KALRN: variants seen among roughly 807,000 people sequenced by gnomAD.
KALRN encodes kalirin.
Under a neutral mutation model 353.7 loss-of-function variants are expected in KALRN, and 70 were observed. The ratio of observed to expected loss-of-function variants is 0.20; its 90% CI spans 0.16 to 0.24. The LOEUF is 0.24. Ranked by LOEUF, KALRN falls within the 10% of genes least tolerant of loss-of-function variation. The probability of loss-of-function intolerance (pLI) is 1.00; values close to 1 mark genes in which losing one functional copy is unlikely to be tolerated. For missense variants in KALRN, 2,791 were observed against 3,756.7 expected, an observed-to-expected ratio of 0.74 and a Z score of 6.72; for synonymous variants, 1,391 against 1,434.8, an observed-to-expected ratio of 0.97 and a Z score of 0.69.
chr3:124,390,864 C>T (rs2089260868), intron 11 of KALRN, among the ~76,000 whole-genome samples: 2 of 152,106 alleles, frequency 1.3e-5, no homozygotes, highest in Non-Finnish European at 2.9e-5. Context: ...TCTCTTGTCT[C>T]CTTCCTTCCT....
At chr3:124,275,979 A>G (rs1344416667) in intron 5 of KALRN, among the ~76,000 whole-genome samples, 1 of 152,202 alleles carries the variant, frequency 6.6e-6, no homozygotes, top group Non-Finnish European at 1.5e-5. Flanking sequence ...GCAGCCCCAG[A>G]GAAAAGTGAT....
chr3:124,308,971 T>G (rs1057428992), intron 6 of KALRN, among the ~76,000 whole-genome samples: 1 of 152,042 alleles, frequency 6.6e-6, no homozygotes, highest in African/African-American at 2.4e-5. Flanking sequence ...GGGGATATTA[T>G]TACTTACCTT....
chr3:124,385,047 C>A lies in KALRN; in HGVS notation c.1962+11C>A. On this transcript the variant is annotated intron_variant, in intron 11 of 59. Transcript: ENST00000682506. ...ACACACACCAAAGAGGTAAGGGGAG[C>A]TAGTGGAGAGAGGGCATTCTGTCCT... 2 of 1,572,636 alleles carry A rather than the reference C, an allele frequency of 1.3e-6. No individual in the cohort carries two copies. Among genetic ancestry groups the A allele is most frequent in the South Asian group, 2.4e-5 (2 of 84,138 alleles).
At chr3:124,442,118 T>G in intron 19 of KALRN, 59 bp downstream of exon 19, 1 of 972,436 alleles carries the variant, frequency 1.0e-6, no homozygotes, top group Non-Finnish European at 1.5e-6. Flanking sequence ...CCCTGAAATA[T>G]ACCATGTACC....
rs563280546 is a variant in KALRN at position 124,468,050 on chromosome 3, G to T, written c.4031+5417G>T. On this transcript the variant is annotated intron_variant, in intron 25 of 59. Coordinates refer to ENST00000682506, the MANE Select transcript of KALRN (RefSeq NM_001388419.1). ...ATGAGGAGAAGGAGATCGAGGGAAA[G>T]AGATGGATAAAGACCTAGACCTTCC... Among the ~76,000 whole-genome samples, 4 of 152,112 alleles carry T rather than the reference G, an allele frequency of 2.6e-5. No homozygotes were observed. In the East Asian group the frequency reaches 7.7e-4, roughly 29 times the overall value.
intron 13 of KALRN, among the ~76,000 whole-genome samples, chr3:124,411,679 C>G (rs367913922): frequency 6.6e-6 from 1 of 152,146 alleles, no homozygotes; most frequent in African/African-American, 2.4e-5. Context: ...CTCCTGGCCT[C>G]AAGTGATCCT....
chr3:124,675,003 G>GATATATATATATATAT (rs141101032), intron 49 of KALRN: 21 of 146,580 alleles, frequency 1.4e-4, no homozygotes, highest in African/African-American at 5.3e-4. Flanking sequence ...TTAAGTAACT[G>GATATATATATATATAT]ATATATATAT....
chr3:124,183,044 C>T (rs1560169621), intron 1 of KALRN, among the ~76,000 whole-genome samples: 2 of 152,102 alleles, frequency 1.3e-5, no homozygotes, highest in Admixed American at 6.5e-5. Context: ...CCCAGTCCCT[C>T]AGAATGTGAC....
At chr3:124,519,380 C>T in intron 33 of KALRN, 1 of 985,420 alleles carries the variant, frequency 1.0e-6, no homozygotes, top group African/African-American at 1.7e-5. Context: ...AGCCCCAACC[C>T]CAAACACAGA....
At chr3:124,681,958 G>A (rs1181728262) in intron 51 of KALRN, among the ~76,000 whole-genome samples, 9 of 152,172 alleles carry the variant, frequency 5.9e-5, no homozygotes, top group Non-Finnish European at 1.3e-4. Context: ...TGAATGTGTT[G>A]CCAGCTTCAA....
intron 33 of KALRN, among the ~76,000 whole-genome samples, chr3:124,548,152 GCT>G (rs1406483765): frequency 6.6e-6 from 1 of 152,066 alleles, no homozygotes; most frequent in African/African-American, 2.4e-5. Context: ...AGTCAAGCTG[GCT>G]CTCTCTAGCT....
intron 2 of KALRN, among the ~76,000 whole-genome samples, chr3:124,230,682 C>CCCCAAGCT (rs2079044052): frequency 6.6e-6 from 1 of 151,772 alleles, no homozygotes. Context: ...GCCGAACAGC[C>CCCCAAGCT]TGGGGTAAGC....
intron 1 of KALRN, among the ~76,000 whole-genome samples, chr3:124,179,594 T>C (rs1372676646): frequency 6.6e-6 from 1 of 152,264 alleles, no homozygotes; most frequent in African/African-American, 2.4e-5. Flanking sequence ...TGTACATAAT[T>C]GTATGTGTTA....
intron 1 of KALRN, among the ~76,000 whole-genome samples, chr3:124,181,828 G>C (rs1404409645): frequency 6.6e-6 from 1 of 152,182 alleles, no homozygotes; most frequent in African/African-American, 2.4e-5. Flanking sequence ...TTCTCTGATG[G>C]GGAAGGAGGA....
intron 1 of KALRN, among the ~76,000 whole-genome samples, chr3:124,130,131 T>C (rs1167650055): frequency 6.6e-6 from 1 of 152,204 alleles, no homozygotes; most frequent in Non-Finnish European, 1.5e-5. Flanking sequence ...CCAGAACTTA[T>C]TGACCTATGG....
At chr3:124,642,208 C>A (rs184484309) in intron 37 of KALRN, among the ~76,000 whole-genome samples, 3 of 151,982 alleles carry the variant, frequency 2.0e-5, no homozygotes, top group Non-Finnish European at 2.9e-5. Flanking sequence ...CGCTTGAACT[C>A]GGGAGGCAGA....
chr3:124,393,764 C>A (rs1265225219), intron 11 of KALRN, among the ~76,000 whole-genome samples: 1 of 152,186 alleles, frequency 6.6e-6, no homozygotes, highest in Non-Finnish European at 1.5e-5. Context: ...GGAGGTTACT[C>A]ACCTGTACAA....
intron 6 of KALRN, among the ~76,000 whole-genome samples, chr3:124,311,460 A>C (rs76205315): frequency 1.1e-5 from 1 of 92,582 alleles, no homozygotes; most frequent in African/African-American, 4.2e-5. Context: ...GCAAGACTCC[A>C]AAAAAAAAAA....
chr3:124,352,755 A>C (rs1290574153), intron 10 of KALRN, among the ~76,000 whole-genome samples: 1 of 152,116 alleles, frequency 6.6e-6, no homozygotes, highest in Non-Finnish European at 1.5e-5. Flanking sequence ...TCAGCAAAGT[A>C]ACACAAGAAG....
Sources: allele counts gnomAD v4.1 joint callset (sites outside exome capture counted in the v4.1 genomes callset), GRCh38; gene constraint gnomAD v4.1.1; transcripts MANE v1.5; gene names NCBI Gene and HGNC (gene_info 2026-07-23, HGNC 2026-07-21).